The following TRIM69 variants were observed in gnomAD, a reference collection of about 807,000 sequenced individuals.
TRIM69 encodes tripartite motif containing 69.
A neutral mutation model predicts 37.7 loss-of-function variants in TRIM69; 29 were observed. The observed-to-expected ratio is 0.77, with a 90% CI of 0.57 to 1.05. The LOEUF is 1.05. Ranked by LOEUF, TRIM69 falls within the 50% of genes least tolerant of loss-of-function variation. The probability of loss-of-function intolerance (pLI) is 0.00; values close to 1 mark genes in which losing one functional copy is unlikely to be tolerated. For missense variants in TRIM69, 596 were observed against 579.9 expected (o/e 1.03, Z -0.28); for synonymous variants, 209 against 212.4 (o/e 0.98, Z 0.14).
chr15:44,736,846 T>G, intron 1 of TRIM69, 136 bp downstream of exon 1: 1 of 947,026 alleles, frequency 1.1e-6, no homozygotes, highest in Non-Finnish European at 1.6e-6. Context: ...TGACAGCTGG[T>G]AGCTACTATA....
intron 1 of TRIM69, among the ~76,000 whole-genome samples, chr15:44,742,031 C>T (rs2087299118): frequency 6.6e-6 from 1 of 152,128 alleles, no homozygotes; most frequent in Non-Finnish European, 1.5e-5. Flanking sequence ...GAATTTTAGA[C>T]CAATATCCTT....
intron 6 of TRIM69, among the ~76,000 whole-genome samples, chr15:44,766,661 G>T (rs752272922): frequency 6.6e-6 from 1 of 151,870 alleles, no homozygotes; most frequent in Non-Finnish European, 1.5e-5. Context: ...TATTTGTATT[G>T]TTTCCTTTAG....
At chr15:44,749,236 A>G (rs1343322012) in intron 1 of TRIM69, among the ~76,000 whole-genome samples, 3 of 151,780 alleles carry the variant, frequency 2.0e-5, no homozygotes, top group Admixed American at 6.6e-5. Context: ...GTCATACAAC[A>G]TAAAATTAAT....
At chr15:44,750,728 T>C (rs111550490) in intron 1 of TRIM69, among the ~76,000 whole-genome samples, 10 of 119,068 alleles carry the variant, frequency 8.4e-5, no homozygotes, top group Non-Finnish European at 1.2e-4. Flanking sequence ...TTTTTTTTTT[T>C]TTTTTTTTTT....
chr15:44,751,352 G>A (rs755302591), intron 1 of TRIM69, among the ~76,000 whole-genome samples: 8 of 152,018 alleles, frequency 5.3e-5, no homozygotes, highest in Non-Finnish European at 8.8e-5. Context: ...CTGACCTCAG[G>A]TGATCTGCCC....
intron 1 of TRIM69, among the ~76,000 whole-genome samples, chr15:44,744,354 C>T (rs2087357725): frequency 6.9e-6 from 1 of 145,404 alleles, no homozygotes; most frequent in Non-Finnish European, 1.5e-5. Context: ...ATACCTAATG[C>T]TAAATGATGA....
At chr15:44,747,320 C>G (rs902891057) in intron 1 of TRIM69, among the ~76,000 whole-genome samples, 2 of 152,072 alleles carry the variant, frequency 1.3e-5, no homozygotes, top group African/African-American at 4.8e-5. Context: ...AAAAAAGAAC[C>G]CATGCAAACA....
chr15:44,737,845 T>G (rs2087192989), intron 1 of TRIM69, among the ~76,000 whole-genome samples: 1 of 152,180 alleles, frequency 6.6e-6, no homozygotes, highest in African/African-American at 2.4e-5. Context: ...GAATAAAGGT[T>G]GAAAAGCAAC....
intron 6 of TRIM69, among the ~76,000 whole-genome samples, chr15:44,765,740 C>G (rs2087871716): frequency 6.8e-6 from 1 of 146,084 alleles, no homozygotes; most frequent in African/African-American, 2.5e-5. Context: ...GGGGACAGAG[C>G]AAGAATCTAT....
chr15:44,743,090 C>T (rs2141311322), intron 1 of TRIM69, among the ~76,000 whole-genome samples: 1 of 152,250 alleles, frequency 6.6e-6, no homozygotes, highest in South Asian at 2.1e-4. Context: ...GTAACCAAAA[C>T]AGCATGGTAC....
chr15:44,750,185 C>G (rs994603520), intron 1 of TRIM69, among the ~76,000 whole-genome samples: 2 of 152,090 alleles, frequency 1.3e-5, no homozygotes, highest in African/African-American at 4.8e-5. Flanking sequence ...TCTTTTCACT[C>G]TTTTGCAAAA....
At chr15:44,760,204 A>T (rs1017066501) in intron 6 of TRIM69, among the ~76,000 whole-genome samples, 1 of 152,212 alleles carries the variant, frequency 6.6e-6, no homozygotes, top group African/African-American at 2.4e-5. Flanking sequence ...CTGAAGAAGG[A>T]GGAGGTTTCT....
chr15:44,738,225 A>G (rs2087205045), intron 1 of TRIM69, among the ~76,000 whole-genome samples: 1 of 71,324 alleles, frequency 1.4e-5, no homozygotes, highest in Non-Finnish European at 3.0e-5. Flanking sequence ...CGCCTGGCTA[A>G]TTTTTGTATT....
At chr15:44,760,470 A>C (rs1263553005) in intron 6 of TRIM69, among the ~76,000 whole-genome samples, 1 of 152,210 alleles carries the variant, frequency 6.6e-6, no homozygotes, top group African/African-American at 2.4e-5. Flanking sequence ...TATAGAAATA[A>C]AATTCTAAAT....
At chr15:44,767,024 A>C (rs1350831817) in intron 6 of TRIM69, among the ~76,000 whole-genome samples, 1 of 118,124 alleles carries the variant, frequency 8.5e-6, no homozygotes. Context: ...GCACCACTGC[A>C]CTCCAGCCCT....
chr15:44,758,912 T>C, intron 4 of TRIM69, 58 bp downstream of exon 4: 1 of 1,552,706 alleles, frequency 6.4e-7, no homozygotes, highest in South Asian at 1.2e-5. Context: ...GGGGAAGAGG[T>C]TTGGAAAGAA....
At chr15:44,743,385 A>C (rs1389178421) in intron 1 of TRIM69, among the ~76,000 whole-genome samples, 1 of 152,242 alleles carries the variant, frequency 6.6e-6, no homozygotes, top group African/African-American at 2.4e-5. Flanking sequence ...AGGCATTACC[A>C]TTCAGGACAT....
intron 1 of TRIM69, among the ~76,000 whole-genome samples, chr15:44,748,414 G>A (rs2087451622): frequency 6.6e-6 from 1 of 152,182 alleles, no homozygotes; most frequent in Non-Finnish European, 1.5e-5. Context: ...AGACCTTTAG[G>A]CACTGAGATT....
At chr15:44,753,293 T>A (rs1012857513) in intron 1 of TRIM69, 2 of 152,094 alleles carry the variant, frequency 1.3e-5, no homozygotes, top group Non-Finnish European at 2.9e-5. Context: ...TCTTTATTTT[T>A]AAAAAATTTT....
Sources: gnomAD v4.1 joint callset for allele counts (sites outside exome capture counted in the v4.1 genomes callset) on GRCh38, gnomAD v4.1.1 for gene constraint, MANE v1.5 for transcripts, NCBI Gene and HGNC (gene_info 2026-07-23, HGNC 2026-07-21) for gene names.